ST18: variants seen among roughly 807,000 people sequenced by gnomAD.
ST18 encodes the protein ST18 C2H2C-type zinc finger transcription factor, also known as suppression of tumorigenicity 18 protein.
In ST18, 50 loss-of-function variants were observed where a neutral mutation model predicts 110.0. The observed-to-expected ratio is 0.45, with a 90% CI of 0.36 to 0.58. The LOEUF (loss-of-function observed/expected upper bound fraction) is 0.58, where lower values mean the gene tolerates loss of function less well. Among genes scored for constraint, ST18 ranks in the 20% least tolerant of loss-of-function variants. The pLI is 0.00. For synonymous variants in ST18, 461 were observed against 452.4 expected, an observed-to-expected ratio of 1.02 and a Z score of -0.24; for missense variants, 1,306 against 1,280.1, an observed-to-expected ratio of 1.02 and a Z score of -0.31.
chr8:52,341,913 C>T (rs1221492415), intron 2 of ST18, among the ~76,000 whole-genome samples: 1 of 152,198 alleles, frequency 6.6e-6, no homozygotes, highest in Non-Finnish European at 1.5e-5. Context: ...GAGCACCCAC[C>T]TCCTTGTATT....
At chr8:52,397,179 G>T (rs1413027493) in intron 2 of ST18, among the ~76,000 whole-genome samples, 1 of 152,124 alleles carries the variant, frequency 6.6e-6, no homozygotes, top group East Asian at 1.9e-4. Context: ...ATCCTAACAG[G>T]TATGAAGTGA....
chr8:52,391,741 C>T (rs529518982), intron 2 of ST18, among the ~76,000 whole-genome samples: 47 of 152,102 alleles, frequency 3.1e-4, no homozygotes, highest in Non-Finnish European at 5.6e-4. Flanking sequence ...AATGAAATCA[C>T]CTAAGGATGC....
chr8:52,139,849 G>A (rs1435672586), intron 17 of ST18, among the ~76,000 whole-genome samples: 4 of 152,202 alleles, frequency 2.6e-5, no homozygotes, highest in Admixed American at 1.3e-4. Flanking sequence ...AACATTATAC[G>A]GGGGAAAGTT....
chr8:52,137,278 T>G, intron 18 of ST18, 143 bp downstream of exon 18: 2 of 805,788 alleles, frequency 2.5e-6, no homozygotes, highest in Non-Finnish European at 3.8e-6. Flanking sequence ...TCACATAATT[T>G]TATTTCTGAA....
chr8:52,304,591 G>T (rs1471062998), intron 2 of ST18, among the ~76,000 whole-genome samples: 2 of 152,144 alleles, frequency 1.3e-5, no homozygotes, highest in Non-Finnish European at 2.9e-5. Context: ...TTACAAACAA[G>T]TTAAATGAAC....
chr8:52,118,245 A>T, intron 24 of ST18, 93 bp downstream of exon 24: 1 of 802,436 alleles, frequency 1.2e-6, no homozygotes, highest in East Asian at 2.6e-5. Context: ...CTAAGTTACC[A>T]TATATTTTCA....
intron 24 of ST18, among the ~76,000 whole-genome samples, chr8:52,117,214 C>T (rs1172111128): frequency 6.6e-6 from 1 of 152,198 alleles, no homozygotes; most frequent in Admixed American, 6.5e-5. Flanking sequence ...ATCCCCAGGC[C>T]TTCTCATGAT....
chr8:52,298,974 T>C (rs1313662277), intron 2 of ST18, among the ~76,000 whole-genome samples: 1 of 152,202 alleles, frequency 6.6e-6, no homozygotes, highest in African/African-American at 2.4e-5. Flanking sequence ...GAATTTGTAT[T>C]ACTGCGTGTA....
intron 2 of ST18, among the ~76,000 whole-genome samples, chr8:52,394,738 C>T (rs1292126105): frequency 6.6e-6 from 1 of 152,202 alleles, no homozygotes; most frequent in African/African-American, 2.4e-5. Flanking sequence ...TGCCTGGGTC[C>T]TTTACTATAT....
rs190350304 is a variant in ST18 at position 52,181,844 on chromosome 8, G to T, written c.87-1532C>A. On this transcript the variant is annotated intron_variant, in intron 8 of 25. Transcript: ENST00000689386. ...CACAAAGAAGCGGAAACACCTTTAC[G>T]CTTGCCTTCTTTGTCAAAGGAGACT... Among the ~76,000 whole-genome samples, 388 of 152,238 alleles carry T rather than the reference G, an allele frequency of 2.5e-3. 2 individuals carry two copies. The highest frequency in any genetic ancestry group is 8.9e-3 in the African/African-American group (371 of 41,548).
At chr8:52,208,373 A>G (rs955274552) in intron 8 of ST18, among the ~76,000 whole-genome samples, 7 of 152,342 alleles carry the variant, frequency 4.6e-5, no homozygotes, top group Admixed American at 1.3e-4. Context: ...GCTGGATCAC[A>G]ACAAACCTGT....
chr8:52,339,208 C>A (rs556148742), intron 2 of ST18, among the ~76,000 whole-genome samples: 1 of 152,244 alleles, frequency 6.6e-6, no homozygotes, highest in South Asian at 2.1e-4. Flanking sequence ...TGGCTGGCAC[C>A]AGGCTGCTCT....
At chr8:52,119,325 TA>T (rs1243255691) in intron 23 of ST18, among the ~76,000 whole-genome samples, 1 of 152,084 alleles carries the variant, frequency 6.6e-6, no homozygotes, top group Non-Finnish European at 1.5e-5. Flanking sequence ...GGAAGGTAGT[TA>T]ATATTAAGGG....
At chr8:52,163,364 A>C (rs2061949489) in intron 13 of ST18, among the ~76,000 whole-genome samples, 1 of 152,212 alleles carries the variant, frequency 6.6e-6, no homozygotes, top group South Asian at 2.1e-4. Flanking sequence ...TTCCCTACAA[A>C]AATGATTTTA....
intron 8 of ST18, among the ~76,000 whole-genome samples, chr8:52,193,104 C>A (rs150525802): frequency 6.6e-6 from 1 of 152,230 alleles, no homozygotes; most frequent in African/African-American, 2.4e-5. Flanking sequence ...TGACCAAGGG[C>A]TCAAAGGATC....
In ST18 at chr8:52,302,603, G is replaced by A. The variant is rs554264083; in HGVS notation, c.-464-72526C>T. On this transcript the variant is annotated intron_variant, in intron 2 of 25. Transcript: ENST00000689386. ...GAGAAATGGCTGAATCCAAGGATGA[G>A]GCAAGGGCAGAACAGTACAAAGTGG... 5.3e-5 allele frequency among the ~76,000 whole-genome samples: 8 copies of A among 152,294 alleles called. No homozygotes were observed. In the South Asian group the frequency reaches 1.7e-3, roughly 32 times the overall value.
At chr8:52,179,977 A>G (rs1020374180) in intron 9 of ST18, 145 bp downstream of exon 9, 3 of 902,432 alleles carry the variant, frequency 3.3e-6, no homozygotes, top group African/African-American at 3.3e-5. Flanking sequence ...ATGAATGTCA[A>G]GTAAAATAAA....
At chr8:52,123,791 C>A (rs1362703379) in intron 23 of ST18, among the ~76,000 whole-genome samples, 1 of 152,196 alleles carries the variant, frequency 6.6e-6, no homozygotes, top group Non-Finnish European at 1.5e-5. Context: ...TCAGACAGAC[C>A]ACCTGCTGCT....
intron 23 of ST18, among the ~76,000 whole-genome samples, chr8:52,125,585 T>C (rs1027168008): frequency 2.6e-5 from 4 of 152,072 alleles, no homozygotes; most frequent in Admixed American, 1.3e-4. Context: ...CCTGGGCTCC[T>C]GGTCTCTACA....
Sources: gnomAD v4.1 joint callset for allele counts (sites outside exome capture counted in the v4.1 genomes callset) on GRCh38, gnomAD v4.1.1 for gene constraint, MANE v1.5 for transcripts, NCBI Gene and HGNC (gene_info 2026-07-23, HGNC 2026-07-21) for gene names.